Variants in ALG5 observed in about 807,000 individuals in gnomAD.
ALG5 encodes the protein ALG5 dolichyl-phosphate beta-glucosyltransferase.
Under a neutral mutation model 51.8 loss-of-function variants are expected in ALG5, and 26 were observed. The observed-to-expected ratio is 0.50, with a 90% CI of 0.37 to 0.70. The LOEUF is 0.70. Ranked by LOEUF, ALG5 falls within the 30% of genes least tolerant of loss-of-function variation. ALG5 has a pLI of 0.00. For missense variants in ALG5, 311 were observed against 399.3 expected, an observed-to-expected ratio of 0.78 and a Z score of 1.88; for synonymous variants, 141 against 136.1, an observed-to-expected ratio of 1.04 and a Z score of -0.25.
At chr13:36,986,955 T>C (rs2059004664) in intron 5 of ALG5, among the ~76,000 whole-genome samples, 1 of 152,192 alleles carries the variant, frequency 6.6e-6, no homozygotes, top group Non-Finnish European at 1.5e-5. Flanking sequence ...TGGCCTTCAC[T>C]TTGCTGCAGC....
chr13:36,991,450 A>G (rs1566067743), intron 4 of ALG5, among the ~76,000 whole-genome samples: 1 of 152,230 alleles, frequency 6.6e-6, no homozygotes, highest in Non-Finnish European at 1.5e-5. Flanking sequence ...GAAATCTATC[A>G]GTTTCAACCA....
intron 6 of ALG5, among the ~76,000 whole-genome samples, chr13:36,983,295 A>T (rs903143693): frequency 2.0e-5 from 3 of 152,244 alleles, no homozygotes; most frequent in Non-Finnish European, 4.4e-5. Flanking sequence ...AGGAAATCAC[A>T]CCAAGTAACT....
chr13:36,970,567 T>C (rs2058917820), intron 7 of ALG5, among the ~76,000 whole-genome samples: 1 of 150,682 alleles, frequency 6.6e-6, no homozygotes, highest in Non-Finnish European at 1.5e-5. Flanking sequence ...GCCACTGCAC[T>C]CCAACTTGGG....
rs1233993987 is a variant in ALG5, at chr13:36,995,009, T to G, written c.265A>C (p.Ser89Arg). Residue 89 changes from serine (S) to arginine (R), a missense_variant, in exon 3 of 10, where the codon AGC becomes CGC. Ser to Arg is a moderately radical substitution (Grantham distance 110). Transcript: ENST00000239891. ...GATACCTGTCTCTTCTCTAGATAGC[T>G]CAGAGCTTCATCCATCATCACAGGC... ...RLPVMMDEAL[S>R]YLEKRQKRDP... 1.9e-6 allele frequency: 3 copies of G among 1,613,408 alleles called. No individual in the cohort carries two copies. The highest frequency in any genetic ancestry group is 8.5e-7 in the Non-Finnish European group (1 of 1,179,538).
At chr13:36,988,368 T>G (rs2059011218) in intron 5 of ALG5, among the ~76,000 whole-genome samples, 1 of 152,228 alleles carries the variant, frequency 6.6e-6, no homozygotes, top group African/African-American at 2.4e-5. Context: ...CAATCCTACT[T>G]TCTTTCTGTT....
At chr13:36,977,987 A>G (rs1236741869) in intron 6 of ALG5, among the ~76,000 whole-genome samples, 3 of 150,166 alleles carry the variant, frequency 2.0e-5, no homozygotes, top group African/African-American at 7.4e-5. Flanking sequence ...CCTGGGTTCA[A>G]GCGATTCTCT....
chr13:36,967,407 A>G (rs1327425589), intron 7 of ALG5, among the ~76,000 whole-genome samples: 1 of 152,148 alleles, frequency 6.6e-6, no homozygotes, highest in African/African-American at 2.4e-5. Flanking sequence ...TAAGGATTAA[A>G]TGAGATTATT....
chr13:36,972,068 A>G (rs2138800636), intron 6 of ALG5, 32 bp from the exon 7 acceptor site: 2 of 1,473,510 alleles, frequency 1.4e-6, no homozygotes, highest in East Asian at 2.3e-5. Context: ...GTTTTTCAAT[A>G]TTTAAATATC....
At position 36,984,961 on chromosome 13, in the gene ALG5, C is replaced by T. The variant is rs73539800; in HGVS notation, c.561+666G>A. On this transcript the variant is annotated intron_variant, in intron 6 of 9. Transcript: ENST00000239891. ...TTTCTTGCTTCTGCTGAAATTCTGA[C>T]GTATTGTGTGGTGGTAGGTATATTG... Among the ~76,000 whole-genome samples, 142 of 152,100 alleles carry T rather than the reference C, an allele frequency of 9.3e-4. 1 individual carries two copies. Among genetic ancestry groups the T allele is most frequent in the African/African-American group, 3.4e-3 (140 of 41,494 alleles).
chr13:36,999,345 G>A (rs372353224), upstream of ALG5: 27 of 1,489,992 alleles, frequency 1.8e-5, no homozygotes, highest in Admixed American at 7.2e-5. Flanking sequence ...CTCCACACAG[G>A]CGGAAGCGCG....
rs919607051 is a variant in ALG5, at chr13:36,995,089, G to A, written c.239-54C>T. 45 of 1,480,744 alleles carry A rather than the reference G, an allele frequency of 3.0e-5. No individual in the cohort carries two copies. The African/African-American group carries it at 3.1e-4, about 10-fold the overall frequency. 91.7% of individuals were successfully genotyped at this position (1,480,744 alleles called of 1,614,324 possible). ...CTTTTGAAAATGATTTTCCAAGCCC[G>A]GCACATTCAGCTTACATACAGAAAA... On this transcript the variant is annotated intron_variant, in intron 2 of 9. Coordinates refer to ENST00000239891, the MANE Select transcript of ALG5 (RefSeq NM_013338.5).
chr13:36,996,379 C>T (rs2059050385), intron 1 of ALG5, among the ~76,000 whole-genome samples: 1 of 152,182 alleles, frequency 6.6e-6, no homozygotes, highest in African/African-American at 2.4e-5. Context: ...TCATTGTCAT[C>T]AGCTCCTGAG....
chr13:36,994,445 GA>G (rs1197463728), intron 3 of ALG5, among the ~76,000 whole-genome samples: 2 of 152,086 alleles, frequency 1.3e-5, no homozygotes, highest in Non-Finnish European at 1.5e-5. Context: ...AAAACAGGAA[GA>G]AAATGTGAGG....
chr13:36,978,783 G>A (rs1330939247), intron 6 of ALG5, among the ~76,000 whole-genome samples: 3 of 151,576 alleles, frequency 2.0e-5, no homozygotes, highest in African/African-American at 4.8e-5. Flanking sequence ...GGGCCTGGTG[G>A]TGGATGCCTG....
At chr13:36,998,471 A>C (rs2059062198) in intron 1 of ALG5, among the ~76,000 whole-genome samples, 1 of 152,196 alleles carries the variant, frequency 6.6e-6, no homozygotes. Flanking sequence ...CCACTTACTA[A>C]CTAGAGGGCA....
chr13:36,986,318 G>T (rs1232515624), intron 5 of ALG5, among the ~76,000 whole-genome samples: 1 of 152,162 alleles, frequency 6.6e-6, no homozygotes, highest in Non-Finnish European at 1.5e-5. Flanking sequence ...ATTTGAAACA[G>T]CAAAATTATG....
At chr13:36,969,488 C>T (rs1480567040) in intron 7 of ALG5, among the ~76,000 whole-genome samples, 2 of 150,752 alleles carry the variant, frequency 1.3e-5, no homozygotes, top group African/African-American at 4.9e-5. Flanking sequence ...TTTTCATTAG[C>T]TGTTTTAGTG....
intron 1 of ALG5, among the ~76,000 whole-genome samples, chr13:36,997,419 T>C (rs2059055926): frequency 1.6e-5 from 2 of 125,960 alleles, no homozygotes; most frequent in South Asian, 4.8e-4. Flanking sequence ...TGAGCCAAGA[T>C]CACACCACTG....
At chr13:36,977,891 A>ATT (rs201741282) in intron 6 of ALG5, among the ~76,000 whole-genome samples, 137 of 128,026 alleles carry the variant, frequency 1.1e-3, no homozygotes, top group South Asian at 1.5e-3. Context: ...CTTTCTCAGT[A>ATT]TTTTTTTTTT....
Sources: gnomAD v4.1 joint callset for allele counts (sites outside exome capture counted in the v4.1 genomes callset) on GRCh38, gnomAD v4.1.1 for gene constraint, MANE v1.5 for transcripts, NCBI Gene and HGNC (gene_info 2026-07-23, HGNC 2026-07-21) for gene names.